Variants in MAGI2 observed in about 807,000 individuals in gnomAD.
The protein encoded by MAGI2 is membrane-associated guanylate kinase, WW and PDZ domain-containing protein 2.
Under a neutral mutation model 133.3 loss-of-function variants are expected in MAGI2, and 35 were observed. That is an observed-to-expected ratio of 0.26 (90% CI 0.20 to 0.35). The LOEUF (loss-of-function observed/expected upper bound fraction) is 0.35. Ranked by LOEUF, MAGI2 falls within the 10% of genes least tolerant of loss-of-function variation. The pLI is 1.00. For missense variants in MAGI2, 1,636 were observed against 1,863.4 expected, an observed-to-expected ratio of 0.88 and a Z score of 2.25; for synonymous variants, 729 against 710.6, an observed-to-expected ratio of 1.03 and a Z score of -0.41.
intron 2 of MAGI2, among the ~76,000 whole-genome samples, chr7:78,743,198 C>A (rs1020665744): frequency 2.0e-5 from 3 of 151,944 alleles, no homozygotes; most frequent in Non-Finnish European, 4.4e-5. Flanking sequence ...TCTACTAGAA[C>A]CCTATAGAGA....
intron 1 of MAGI2, among the ~76,000 whole-genome samples, chr7:79,244,049 T>A (rs1297995152): frequency 6.6e-6 from 1 of 152,258 alleles, no homozygotes; most frequent in African/African-American, 2.4e-5. Flanking sequence ...ATCTATTTGA[T>A]GTTTCTTCTG....
At chr7:78,994,031 A>G (rs1318463469) in intron 2 of MAGI2, among the ~76,000 whole-genome samples, 1 of 151,992 alleles carries the variant, frequency 6.6e-6, no homozygotes, top group Admixed American at 6.6e-5. Flanking sequence ...ACGTGTGTAT[A>G]TCTCGATTCT....
intron 15 of MAGI2, among the ~76,000 whole-genome samples, chr7:78,165,973 A>C (rs1159086545): frequency 6.6e-6 from 1 of 152,198 alleles, no homozygotes; most frequent in African/African-American, 2.4e-5. Context: ...TGAAGCTTTC[A>C]AGGAAGAGTG....
At chr7:79,262,242 T>A (rs1766045377) in intron 1 of MAGI2, among the ~76,000 whole-genome samples, 1 of 152,188 alleles carries the variant, frequency 6.6e-6, no homozygotes, top group Admixed American at 6.6e-5. Context: ...TAGGCAGGAA[T>A]AAACTCAGTT....
At chr7:79,418,651 A>G (rs1230018255) in intron 1 of MAGI2, among the ~76,000 whole-genome samples, 2 of 151,980 alleles carry the variant, frequency 1.3e-5, no homozygotes, top group African/African-American at 2.4e-5. Flanking sequence ...TCTACAGGGA[A>G]GAAGGCTGAC....
intron 2 of MAGI2, among the ~76,000 whole-genome samples, chr7:78,856,970 C>T (rs947191067): frequency 6.6e-6 from 1 of 152,078 alleles, no homozygotes; most frequent in Non-Finnish European, 1.5e-5. Context: ...TCCTTCAGAT[C>T]CCTTGTAAGT....
intron 21 of MAGI2, among the ~76,000 whole-genome samples, chr7:78,070,628 G>A (rs866973137): frequency 0.16 from 18,372 of 115,504 alleles, 1,356 homozygotes; most frequent in South Asian, 0.23. Flanking sequence ...GTGTGTGTGT[G>A]TGTATATATA....
chr7:78,798,772 C>G (rs1303988218), intron 2 of MAGI2, among the ~76,000 whole-genome samples: 1 of 152,138 alleles, frequency 6.6e-6, no homozygotes, highest in East Asian at 1.9e-4. Flanking sequence ...AAGTAGAGAG[C>G]TCTGCAAACT....
intron 2 of MAGI2, among the ~76,000 whole-genome samples, chr7:78,662,114 C>T (rs984975798): frequency 7.2e-5 from 11 of 152,056 alleles, no homozygotes; most frequent in African/African-American, 2.7e-4. Context: ...ACTTAAAGGG[C>T]CCAAGGCTTT....
intron 12 of MAGI2, among the ~76,000 whole-genome samples, chr7:78,192,924 G>C (rs553319786): frequency 1.1e-4 from 17 of 152,246 alleles, no homozygotes; most frequent in Non-Finnish European, 2.2e-4. Context: ...GATGTTTGCT[G>C]TCCCTGCGGC....
At chr7:79,187,620 G>A (rs1827281053) in intron 1 of MAGI2, among the ~76,000 whole-genome samples, 1 of 151,816 alleles carries the variant, frequency 6.6e-6, no homozygotes, top group Non-Finnish European at 1.5e-5. Flanking sequence ...GGTCAAAGTA[G>A]CTGATAGTAG....
At chr7:78,071,524 C>T (rs1814702405) in intron 21 of MAGI2, among the ~76,000 whole-genome samples, 1 of 152,070 alleles carries the variant, frequency 6.6e-6, no homozygotes, top group South Asian at 2.1e-4. Context: ...ACTACAGAGC[C>T]AGACCCTGTC....
intron 2 of MAGI2, among the ~76,000 whole-genome samples, chr7:78,825,949 C>T (rs1207479758): frequency 6.6e-6 from 1 of 152,026 alleles, no homozygotes; most frequent in African/African-American, 2.4e-5. Flanking sequence ...ATCAAGATGC[C>T]TCTCAATAGG....
At chr7:79,016,603 G>A (rs543054131) in intron 1 of MAGI2, among the ~76,000 whole-genome samples, 17 of 152,228 alleles carry the variant, frequency 1.1e-4, no homozygotes, top group South Asian at 2.1e-4. Context: ...CTTTGCTGAG[G>A]CAGGTAAGCT....
At chr7:79,375,006 C>T (rs957339963) in intron 1 of MAGI2, among the ~76,000 whole-genome samples, 2 of 151,878 alleles carry the variant, frequency 1.3e-5, no homozygotes, top group Admixed American at 6.6e-5. Flanking sequence ...TGCTGGTTCC[C>T]TTCTGCTTTC....
Position 78,468,001 on chromosome 7 carries a change from G to A in MAGI2, c.1045+21760C>T, listed in dbSNP as rs371786885. On this transcript the variant is annotated intron_variant, in intron 6 of 21. Transcript: ENST00000354212. Reference sequence around the variant, plus strand: ...TATTCTGGGTAGCAGAGGGACAGAAGTGGAGGGAAAAGTTTTCACTGCTTA... The same window carrying A: ...TATTCTGGGTAGCAGAGGGACAGAAATGGAGGGAAAAGTTTTCACTGCTTA... Among the ~76,000 whole-genome samples, 25 of 152,230 alleles carry A rather than the reference G, an allele frequency of 1.6e-4. No homozygotes were observed. The East Asian group carries it at 4.5e-3, about 27-fold the overall frequency.
At chr7:78,096,922 T>C (rs1273670031) in intron 20 of MAGI2, among the ~76,000 whole-genome samples, 3 of 152,112 alleles carry the variant, frequency 2.0e-5, no homozygotes, top group African/African-American at 7.2e-5. Flanking sequence ...ACTGTGCATC[T>C]CATAAAGGTC....
chr7:78,768,969 G>A (rs1825306379), intron 2 of MAGI2, among the ~76,000 whole-genome samples: 3 of 152,048 alleles, frequency 2.0e-5, no homozygotes. Context: ...CCTCAAACCA[G>A]AGCTCTCTGC....
chr7:78,149,742 T>C (rs1479907646), intron 16 of MAGI2, among the ~76,000 whole-genome samples: 2 of 152,230 alleles, frequency 1.3e-5, no homozygotes, highest in South Asian at 2.1e-4. Flanking sequence ...AATCCGTAAG[T>C]ATACATCTTT....
Sources: gnomAD v4.1 joint callset for allele counts (sites outside exome capture counted in the v4.1 genomes callset) on GRCh38, gnomAD v4.1.1 for gene constraint, MANE v1.5 for transcripts, NCBI Gene and HGNC (gene_info 2026-07-23, HGNC 2026-07-21) for gene names.